Variants in ANKS1B observed in about 807,000 individuals in gnomAD.
ANKS1B encodes ankyrin repeat and sterile alpha motif domain-containing protein 1B.
ANKS1B carries 36 observed loss-of-function variants against 148.3 expected under a neutral mutation model. The observed-to-expected ratio is 0.24, with a 90% CI of 0.19 to 0.32. The LOEUF (loss-of-function observed/expected upper bound fraction) is 0.32. Ranked by LOEUF, ANKS1B falls within the 10% of genes least tolerant of loss-of-function variation. The pLI is 1.00. For missense variants in ANKS1B, 1,157 were observed against 1,542.6 expected (o/e 0.75, Z 4.19); for synonymous variants, 542 against 560.8 (o/e 0.97, Z 0.47).
chr12:99,310,718 T>C (rs1279521327), intron 12 of ANKS1B, among the ~76,000 whole-genome samples: 2 of 152,152 alleles, frequency 1.3e-5, no homozygotes. Context: ...AGTCACCCTA[T>C]AGATCTTGGG....
intron 9 of ANKS1B, among the ~76,000 whole-genome samples, chr12:99,642,294 G>A (rs2098315729): frequency 6.6e-6 from 1 of 152,088 alleles, no homozygotes; most frequent in Admixed American, 6.5e-5. Context: ...CAGACTACAG[G>A]CATATTCTCC....
In ANKS1B at chr12:99,048,183, T is replaced by C. The variant is rs17029017; in HGVS notation, c.2778+4974A>G. On this transcript the variant is annotated intron_variant, in intron 17 of 26. Transcript: ENST00000683438. ...GGAGGTGGCTTCTTCAGAGGAAATTTGGAATGTTTTAATTTTAATCACGAG... is the reference window on the plus strand; with the variant it reads ...GGAGGTGGCTTCTTCAGAGGAAATTCGGAATGTTTTAATTTTAATCACGAG... 3.7e-3 allele frequency among the ~76,000 whole-genome samples: 560 copies of C among 152,314 alleles called. 24 individuals are homozygous for C. The East Asian group carries it at 0.08, about 22-fold the overall frequency.
chr12:99,820,878 C>T (rs2082415873), intron 2 of ANKS1B, among the ~76,000 whole-genome samples: 1 of 151,892 alleles, frequency 6.6e-6, no homozygotes. Context: ...AAGCTCTAGA[C>T]ACAACCCCAC....
intron 2 of ANKS1B, among the ~76,000 whole-genome samples, chr12:99,823,442 A>C (rs2082760625): frequency 6.6e-6 from 1 of 152,090 alleles, no homozygotes; most frequent in South Asian, 2.1e-4. Flanking sequence ...AGTAGCTGGG[A>C]TTACAGGCAC....
chr12:99,346,203 C>T (rs1448238066), intron 12 of ANKS1B, among the ~76,000 whole-genome samples: 1 of 151,916 alleles, frequency 6.6e-6, no homozygotes, highest in African/African-American at 2.4e-5. Context: ...TCCATAAATT[C>T]ATTTTGAAGT....
intron 9 of ANKS1B, among the ~76,000 whole-genome samples, chr12:99,524,371 G>A (rs1244102888): frequency 6.6e-6 from 1 of 152,098 alleles, no homozygotes; most frequent in African/African-American, 2.4e-5. Flanking sequence ...CTGGAAACTA[G>A]GAATACATTA....
At chr12:98,915,365 T>C (rs2152867342) in intron 17 of ANKS1B, among the ~76,000 whole-genome samples, 1 of 151,982 alleles carries the variant, frequency 6.6e-6, no homozygotes, top group East Asian at 1.9e-4. Context: ...GACAGAATTT[T>C]TTTTTAGACA....
intron 17 of ANKS1B, among the ~76,000 whole-genome samples, chr12:98,958,369 A>C (rs1396594479): frequency 1.3e-5 from 2 of 152,238 alleles, no homozygotes; most frequent in African/African-American, 4.8e-5. Context: ...AATATATCTT[A>C]GAGTGAGGCT....
chr12:99,342,421 T>A (rs1433417107), intron 12 of ANKS1B, among the ~76,000 whole-genome samples: 13 of 151,922 alleles, frequency 8.6e-5, no homozygotes. Context: ...AGAAGTCAAG[T>A]GTGGCTAATC....
intron 11 of ANKS1B, among the ~76,000 whole-genome samples, chr12:99,440,246 T>G (rs536722011): frequency 4.5e-4 from 69 of 151,922 alleles, no homozygotes; most frequent in African/African-American, 1.6e-3. Flanking sequence ...ATAATTAAAG[T>G]TCATCAAGCT....
intron 10 of ANKS1B, among the ~76,000 whole-genome samples, chr12:99,470,224 C>T (rs1317460599): frequency 1.3e-5 from 2 of 151,852 alleles, no homozygotes; most frequent in African/African-American, 4.8e-5. Flanking sequence ...CAACATTGGT[C>T]TTATTTTCAT....
intron 3 of ANKS1B, among the ~76,000 whole-genome samples, chr12:99,810,164 G>A (rs561287333): frequency 1.6e-4 from 24 of 152,056 alleles, no homozygotes; most frequent in African/African-American, 4.8e-4. Flanking sequence ...CGTGGCCTTC[G>A]ACAAGTTGTT....
intron 17 of ANKS1B, among the ~76,000 whole-genome samples, chr12:98,944,716 G>T (rs920782520): frequency 2.0e-5 from 3 of 152,096 alleles, no homozygotes; most frequent in African/African-American, 7.2e-5. Flanking sequence ...TCAAACCATG[G>T]AATGAAATAC....
rs192944629 is a variant in ANKS1B, at chr12:99,724,055, A to C, written c.1128+48867T>G. On this transcript the variant is annotated intron_variant, in intron 8 of 26. Transcript: ENST00000683438. Reference sequence around the variant, plus strand: ...CATGAAGATGAGAAAGGATCAACAAAAAAAAAAACACTGAAAGCCCAAAAG... The same window carrying C: ...CATGAAGATGAGAAAGGATCAACAACAAAAAAAACACTGAAAGCCCAAAAG... Among the ~76,000 whole-genome samples the C allele has an allele frequency of 8.2e-3, 1,254 of 152,156 alleles. 15 individuals carry two copies. The highest frequency in any genetic ancestry group is 9.6e-3 in the Non-Finnish European group (651 of 67,980).
rs1359167645 is a variant in ANKS1B at position 99,538,574 on chromosome 12, C to T, written c.1273-33933G>A. Among the ~76,000 whole-genome samples, 4 of 152,074 alleles carry T rather than the reference C, an allele frequency of 2.6e-5. No homozygotes were observed. In the East Asian group the frequency reaches 7.7e-4, roughly 29 times the overall value. On this transcript the variant is annotated intron_variant, in intron 9 of 26. Transcript: ENST00000683438. Reference sequence around the variant, plus strand: ...TGTTCACTATTGGCACACAGAAATGCTACTGATTTTTGTATGTTAATTTTG... The same window carrying T: ...TGTTCACTATTGGCACACAGAAATGTTACTGATTTTTGTATGTTAATTTTG...
chr12:99,270,008 C>T (rs985406281), intron 12 of ANKS1B, among the ~76,000 whole-genome samples: 2 of 152,028 alleles, frequency 1.3e-5, no homozygotes, highest in African/African-American at 4.8e-5. Flanking sequence ...ATGAATAGTA[C>T]ATTTTTCAAA....
intron 9 of ANKS1B, among the ~76,000 whole-genome samples, chr12:99,594,159 G>A (rs1181995874): frequency 6.6e-6 from 1 of 152,034 alleles, no homozygotes; most frequent in Non-Finnish European, 1.5e-5. Flanking sequence ...ACTGTGAAGT[G>A]CTTAAACTGT....
chr12:99,379,959 G>A (rs568601829), intron 12 of ANKS1B, among the ~76,000 whole-genome samples: 1 of 152,296 alleles, frequency 6.6e-6, no homozygotes, highest in Non-Finnish European at 1.5e-5. Context: ...TCTCTTTTGT[G>A]AACTTGCCTT....
intron 12 of ANKS1B, among the ~76,000 whole-genome samples, chr12:99,375,414 C>T (rs11615348): frequency 0.13 from 19,045 of 152,116 alleles, 1,258 homozygotes; most frequent in African/African-American, 0.17. Flanking sequence ...CCCTTTCTTA[C>T]GTTGATTTGG....
Sources: gnomAD v4.1 joint callset for allele counts (sites outside exome capture counted in the v4.1 genomes callset) on GRCh38, gnomAD v4.1.1 for gene constraint, MANE v1.5 for transcripts, NCBI Gene and HGNC (gene_info 2026-07-23, HGNC 2026-07-21) for gene names.